Variants in UMODL1 observed in about 807,000 individuals in gnomAD.
UMODL1 encodes the protein uromodulin like 1.
In UMODL1, 128 loss-of-function variants were observed where a neutral mutation model predicts 136.3. The observed-to-expected ratio is 0.94, with a 90% CI of 0.81 to 1.09. UMODL1 has a LOEUF of 1.09. Among genes scored for constraint, UMODL1 ranks in the 50% least tolerant of loss-of-function variants. The pLI, the probability that UMODL1 is intolerant of heterozygous loss-of-function variation, is 0.00. For synonymous variants in UMODL1, 721 were observed against 720.0 expected (o/e 1.00, Z -0.02); for missense variants, 1,766 against 1,725.6 (o/e 1.02, Z -0.41).
At chr21:42,083,690 C>T (rs1342102853) in intron 2 of UMODL1, among the ~76,000 whole-genome samples, 4 of 152,268 alleles carry the variant, frequency 2.6e-5, no homozygotes, top group Non-Finnish European at 5.9e-5. Flanking sequence ...CCCTGGGCAC[C>T]CGGCATTGTG....
intron 17 of UMODL1, among the ~76,000 whole-genome samples, chr21:42,124,074 T>C (rs1011912): frequency 0.058 from 8,897 of 152,276 alleles, 358 homozygotes; most frequent in Non-Finnish European, 0.088. Flanking sequence ...ACCCATGAGG[T>C]AGCTGACCTG....
chr21:42,076,493 C>A (rs920266047), intron 2 of UMODL1, among the ~76,000 whole-genome samples: 1 of 152,148 alleles, frequency 6.6e-6, no homozygotes, highest in Admixed American at 6.5e-5. Context: ...GTGACGCTGA[C>A]GCTGCTGGCC....
rs1392796529 is a variant in UMODL1, at chr21:42,111,680, A to AC, written c.2077dup (p.Leu693ProfsTer76). The AC allele has an allele frequency of 1.2e-6, 2 of 1,612,572 alleles. No individual in the cohort carries two copies. The highest frequency in any genetic ancestry group is 1.7e-6 in the Non-Finnish European group (2 of 1,179,040). On this transcript the variant is annotated frameshift_variant, in exon 12 of 23. Transcript: ENST00000408910. LOFTEE classifies it high-confidence loss of function. The stretch of plus-strand genomic sequence containing the variant: ...TTCTGTAGACCTGCCATTGACCTCC[A>AC]CCCTCACAGCTCTGAAGACCCCCGC...
intron 2 of UMODL1, among the ~76,000 whole-genome samples, chr21:42,081,901 A>G (rs12106368): frequency 0.13 from 19,614 of 152,132 alleles, 2,366 homozygotes; most frequent in African/African-American, 0.32. Flanking sequence ...TGCTTTTTGC[A>G]CTGGGAGACA....
In UMODL1 at chr21:42,129,762, A is replaced by G; in HGVS notation, c.3740A>G (p.His1247Arg). 2 of 1,594,950 alleles carry G rather than the reference A, an allele frequency of 1.3e-6. No homozygotes were observed. The highest frequency in any genetic ancestry group is 1.4e-5 in the African/African-American group (1 of 73,784). ...LLQNSETSAT[H>R]QMSWGPLIRS... ...CAAAATAGTGAAACCTCTGCCACAC[A>G]CCAGATGTCCTGGGGACCCCTCATC... The change falls in exon 21 of 23, where the codon CAC becomes CGC. Residue 1247 changes from histidine to arginine, a missense_variant. His to Arg is a conservative substitution (Grantham distance 29). Coordinates refer to ENST00000408910, the MANE Select transcript of UMODL1 (RefSeq NM_001004416.3).
In UMODL1 at chr21:42,115,943, C is replaced by G; in HGVS notation, c.2433C>G (p.Ser811Arg). 6.2e-7 allele frequency: 1 copy of G among 1,613,944 alleles called. No individual in the cohort carries two copies. The highest frequency in any genetic ancestry group is 8.5e-7 in the Non-Finnish European group (1 of 1,179,962). The change falls in exon 14 of 23, where the codon AGC (serine) becomes AGG (arginine). Residue 811 changes from serine to arginine, a missense_variant. Transcript: ENST00000408910. ...ACTCAGAATCCTTTCGCAACGCAAG[C>G]AGCCAGGAGTATCGAGATTTCCTAG... is the stretch of plus-strand genomic sequence containing the variant. ...VRYSESFRNA[S>R]SQEYRDFLEL...
At chr21:42,120,047 G>A (rs552595431) in intron 15 of UMODL1, among the ~76,000 whole-genome samples, 8 of 151,584 alleles carry the variant, frequency 5.3e-5, no homozygotes, top group East Asian at 3.9e-4. Flanking sequence ...ATAAATGCAC[G>A]AAAGCTCTAC....
intron 22 of UMODL1, among the ~76,000 whole-genome samples, chr21:42,139,553 A>G (rs1166049801): frequency 6.6e-6 from 1 of 152,100 alleles, no homozygotes; most frequent in Non-Finnish European, 1.5e-5. Flanking sequence ...CACCATATCA[A>G]CTGCCCACCC....
At chr21:42,072,510 A>C (rs1185530155) in intron 1 of UMODL1, among the ~76,000 whole-genome samples, 1 of 152,184 alleles carries the variant, frequency 6.6e-6, no homozygotes, top group African/African-American at 2.4e-5. Context: ...AAGCTGGAGA[A>C]GGTCTTAGGA....
At chr21:42,065,542 CTT>C (rs56298825) in intron 1 of UMODL1, among the ~76,000 whole-genome samples, 3 of 143,358 alleles carry the variant, frequency 2.1e-5, no homozygotes. Flanking sequence ...CTTTTTTTTT[CTT>C]TTTTTTTTTT....
rs758655837 is a variant in UMODL1 at position 42,111,363 on chromosome 21, G to A, written c.1900-143G>A. ...GGGAGCCCCAGCCAGGAGAGCCCCA[G>A]CCAGGGGAGCACCAGCCAGGCGAGC... is the stretch of plus-strand genomic sequence containing the variant. On this transcript the variant is annotated intron_variant, in intron 11 of 22. Coordinates refer to ENST00000408910, the MANE Select transcript of UMODL1 (RefSeq NM_001004416.3). 13 of 1,611,030 alleles carry A rather than the reference G, an allele frequency of 8.1e-6. No individual in the cohort carries two copies. The Middle Eastern group carries it at 6.6e-4, about 82-fold the overall frequency.
intron 21 of UMODL1, 47 bp from the exon 22 acceptor site, chr21:42,137,392 C>T: frequency 1.4e-5 from 22 of 1,605,516 alleles, no homozygotes; most frequent in Non-Finnish European, 1.7e-5. Context: ...CTATCGCATT[C>T]CTCCCGTTTG....
chr21:42,087,476 T>C (rs1376590943), intron 4 of UMODL1, among the ~76,000 whole-genome samples: 1 of 152,238 alleles, frequency 6.6e-6, no homozygotes, highest in East Asian at 1.9e-4. Flanking sequence ...TTCACCTGGC[T>C]TCCCAAGGGT....
Position 42,085,502 on chromosome 21 carries a change from G to T in UMODL1, c.603+90G>T. On this transcript the variant is annotated intron_variant, in intron 4 of 22. Coordinates refer to ENST00000408910, the MANE Select transcript of UMODL1 (RefSeq NM_001004416.3). The surrounding 1 kb of genome is among the most constrained non-coding windows in gnomAD (Gnocchi z 4.5). ...ATGGGGCCGTGGAAGGGACCTGGGG[G>T]TTGGGGAGGGTGATGTTCCCCAAAT... The T allele has an allele frequency of 6.3e-7, 1 of 1,586,878 alleles. No individual in the cohort carries two copies. The highest frequency in any genetic ancestry group is 8.6e-7 in the Non-Finnish European group (1 of 1,166,064).
Position 42,126,401 on chromosome 21 carries a change from C to T in UMODL1, c.3204C>T (p.Gly1068=), listed in dbSNP as rs1319671622. The part of the protein sequence containing the change: ...TTLRNDLSQE[G]IIHHLKILSP... The stretch of plus-strand genomic sequence containing the variant: ...TGAGGAACGACCTGTCCCAGGAGGG[C>T]ATCATCCACCACCTGAAGATCCTGA... The change falls in exon 18 of 23, where the codon GGC becomes GGT. Residue 1068 remains glycine (G), a synonymous_variant. Coordinates refer to ENST00000408910, the MANE Select transcript of UMODL1 (RefSeq NM_001004416.3). 6.2e-7 allele frequency: 1 copy of T among 1,614,106 alleles called. No homozygotes were observed. Among genetic ancestry groups the T allele is most frequent in the Non-Finnish European group, 8.5e-7 (1 of 1,180,056 alleles).
chr21:42,123,005 C>A lies in UMODL1; in HGVS notation c.3002C>A (p.Ala1001Asp). 6.2e-7 allele frequency: 1 copy of A among 1,613,814 alleles called. No individual in the cohort carries two copies. Among genetic ancestry groups the A allele is most frequent in the Non-Finnish European group, 8.5e-7 (1 of 1,180,016 alleles). The change falls in exon 17 of 23, where the codon GCC becomes GAC. Residue 1001 changes from alanine (A) to aspartate (D), a missense_variant. Coordinates refer to ENST00000408910, the MANE Select transcript of UMODL1 (RefSeq NM_001004416.3). This position sits in a 1 kb window ranked among gnomAD's most constrained non-coding sequence, Gnocchi z 4.4. Reference protein sequence around the residue: ...VLCEIEKVVVAIQKRFLQQES... With the variant: ...VLCEIEKVVVDIQKRFLQQES... ...TGTGAGATCGAGAAGGTGGTTGTCG[C>A]CATCCAGAAGCGCTTCCTGCAGCAG...
intron 17 of UMODL1, among the ~76,000 whole-genome samples, chr21:42,124,308 G>T (rs1298259262): frequency 6.6e-6 from 1 of 152,186 alleles, no homozygotes; most frequent in Non-Finnish European, 1.5e-5. Context: ...GTGCAGGGTG[G>T]ATCAGGGAAG....
At position 42,084,193 on chromosome 21, in the gene UMODL1, G is replaced by A. The variant is rs769323421; in HGVS notation, c.429G>A (p.Glu143=). 4 of 1,613,922 alleles carry A rather than the reference G, an allele frequency of 2.5e-6. No individual in the cohort carries two copies. Among genetic ancestry groups the A allele is most frequent in the Non-Finnish European group, 3.4e-6 (4 of 1,180,018 alleles). The change falls in exon 3 of 23, where the codon GAG becomes GAA. Residue 143 remains glutamate (E), a synonymous_variant. Transcript: ENST00000408910. ...CSLDIDCPGL[E]KCCPWSGGRY... is the part of the protein sequence containing the mutation. ...TGGACATCGACTGTCCTGGACTTGAGAAGTGCTGCCCCTGGTCAGGGGGGC... is the reference window on the plus strand; with the variant it reads ...TGGACATCGACTGTCCTGGACTTGAAAAGTGCTGCCCCTGGTCAGGGGGGC...
intron 2 of UMODL1, among the ~76,000 whole-genome samples, chr21:42,083,707 A>G (rs879867546): frequency 6.6e-6 from 1 of 152,278 alleles, no homozygotes; most frequent in Non-Finnish European, 1.5e-5. Context: ...TGTGCCCGGC[A>G]CATAGCAGGT....
Sources: allele counts gnomAD v4.1 joint callset (sites outside exome capture counted in the v4.1 genomes callset), GRCh38; gene constraint gnomAD v4.1.1; non-coding constraint Gnocchi (gnomAD v3.1); transcripts MANE v1.5; gene names NCBI Gene and HGNC (gene_info 2026-07-23, HGNC 2026-07-21).